Variants in GSG1L observed in about 807,000 individuals in gnomAD.
GSG1L encodes germ cell-specific gene 1-like protein.
GSG1L carries 24 observed loss-of-function variants against 42.1 expected under a neutral mutation model. The ratio of observed to expected loss-of-function variants is 0.57; its 90% CI spans 0.41 to 0.80. The LOEUF (loss-of-function observed/expected upper bound fraction) is 0.80. Among genes scored for constraint, GSG1L ranks in the 30% least tolerant of loss-of-function variants. The pLI, the probability that GSG1L is intolerant of heterozygous loss-of-function variation, is 0.00. For missense variants in GSG1L, 445 were observed against 472.2 expected, an observed-to-expected ratio of 0.94 and a Z score of 0.53; for synonymous variants, 215 against 203.5, an observed-to-expected ratio of 1.06 and a Z score of -0.48.
At chr16:27,856,156 C>G (rs1038893743) in intron 3 of GSG1L, among the ~76,000 whole-genome samples, 1 of 148,200 alleles carries the variant, frequency 6.7e-6, no homozygotes, top group African/African-American at 2.5e-5. Context: ...CAGGAATGTG[C>G]ACCCCCCCCC....
chr16:27,803,201 C>T (rs1171735777), intron 6 of GSG1L, among the ~76,000 whole-genome samples: 1 of 152,102 alleles, frequency 6.6e-6, no homozygotes, highest in African/African-American at 2.4e-5. Context: ...GCTGTCCCCC[C>T]AGCTCCACGG....
intron 6 of GSG1L, among the ~76,000 whole-genome samples, chr16:27,800,596 G>A (rs992625556): frequency 2.6e-5 from 4 of 152,110 alleles, no homozygotes; most frequent in African/African-American, 9.7e-5. Context: ...AGCCCCAAAG[G>A]CAGGTTTCAA....
intron 1 of GSG1L, among the ~76,000 whole-genome samples, chr16:28,012,200 C>A (rs1410278151): frequency 6.6e-6 from 1 of 152,138 alleles, no homozygotes; most frequent in Non-Finnish European, 1.5e-5. Flanking sequence ...CAGGCAGCCA[C>A]CCCTCCCCTA....
At chr16:27,894,305 C>T (rs918226257) in intron 2 of GSG1L, among the ~76,000 whole-genome samples, 4 of 152,126 alleles carry the variant, frequency 2.6e-5, no homozygotes, top group Non-Finnish European at 5.9e-5. Flanking sequence ...TTAGCTGTTA[C>T]CGTTGTTGTT....
intron 2 of GSG1L, among the ~76,000 whole-genome samples, chr16:27,920,360 G>A (rs2084510136): frequency 6.6e-6 from 1 of 152,204 alleles, no homozygotes; most frequent in South Asian, 2.1e-4. Flanking sequence ...CCGCACACCA[G>A]GCTGACTTAA....
chr16:27,901,107 G>A (rs536359269), intron 2 of GSG1L, among the ~76,000 whole-genome samples: 42 of 152,348 alleles, frequency 2.8e-4, no homozygotes, highest in African/African-American at 7.9e-4. Flanking sequence ...CAGTCTGGGT[G>A]ACAGAGCGAG....
chr16:27,985,976 G>A (rs558524858), intron 1 of GSG1L, among the ~76,000 whole-genome samples: 6 of 152,258 alleles, frequency 3.9e-5, no homozygotes, highest in East Asian at 1.9e-4. Context: ...GTCATGAGAA[G>A]GTTTCTCTGT....
chr16:27,993,717 G>A (rs2085479690), intron 1 of GSG1L, among the ~76,000 whole-genome samples: 1 of 152,164 alleles, frequency 6.6e-6, no homozygotes, highest in Non-Finnish European at 1.5e-5. Flanking sequence ...ACAGCTTGCA[G>A]GCACAGATAA....
intron 1 of GSG1L, among the ~76,000 whole-genome samples, chr16:28,051,892 T>C (rs1369136753): frequency 1.3e-5 from 2 of 152,104 alleles, no homozygotes; most frequent in African/African-American, 4.8e-5. Context: ...TGCAGTAGGA[T>C]TGCTCAGCAC....
At chr16:27,894,054 G>C (rs980109831) in intron 2 of GSG1L, among the ~76,000 whole-genome samples, 2 of 152,214 alleles carry the variant, frequency 1.3e-5, no homozygotes, top group Non-Finnish European at 2.9e-5. Flanking sequence ...ACCCTGGCCA[G>C]CAATTGTAAT....
At chr16:27,960,146 C>T (rs2085052240) in intron 2 of GSG1L, among the ~76,000 whole-genome samples, 1 of 151,982 alleles carries the variant, frequency 6.6e-6, no homozygotes, top group Non-Finnish European at 1.5e-5. Flanking sequence ...GAGCTGGAGG[C>T]AGGAAGGAAA....
chr16:27,965,763 C>A (rs1355636353), intron 1 of GSG1L, among the ~76,000 whole-genome samples: 1 of 152,260 alleles, frequency 6.6e-6, no homozygotes, highest in Non-Finnish European at 1.5e-5. Flanking sequence ...CCACCAGGAT[C>A]ACTGTAGTAG....
intron 5 of GSG1L, among the ~76,000 whole-genome samples, chr16:27,809,691 A>T (rs1428151409): frequency 6.6e-6 from 1 of 151,888 alleles, no homozygotes; most frequent in Non-Finnish European, 1.5e-5. Flanking sequence ...CTTGTCTTGC[A>T]GCTGTCCTAA....
intron 3 of GSG1L, among the ~76,000 whole-genome samples, chr16:27,849,837 T>A (rs765544311): frequency 1.1e-4 from 17 of 151,086 alleles, no homozygotes; most frequent in Non-Finnish European, 2.1e-4. Flanking sequence ...GGGGCAAGTT[T>A]TGAGGGTGGA....
intron 2 of GSG1L, among the ~76,000 whole-genome samples, chr16:27,895,425 C>T (rs1387180412): frequency 1.3e-5 from 2 of 152,130 alleles, no homozygotes; most frequent in Admixed American, 6.5e-5. Context: ...ACGACGAAAT[C>T]AGTCATTTCT....
intron 1 of GSG1L, among the ~76,000 whole-genome samples, chr16:28,017,654 A>G (rs967220320): frequency 2.6e-5 from 4 of 152,378 alleles, no homozygotes; most frequent in Admixed American, 2.6e-4. Flanking sequence ...TAACAGATGC[A>G]GTCCTGCACA....
chr16:27,793,207 A>G (rs2144387172), intron 6 of GSG1L, among the ~76,000 whole-genome samples: 2 of 152,322 alleles, frequency 1.3e-5, no homozygotes, highest in Middle Eastern at 3.4e-3. Flanking sequence ...GAGTCTTTCT[A>G]ATAACAAGGC....
intron 1 of GSG1L, among the ~76,000 whole-genome samples, chr16:27,997,187 C>T (rs1310109876): frequency 2.0e-5 from 3 of 152,082 alleles, no homozygotes; most frequent in Non-Finnish European, 4.4e-5. Context: ...CCTCTTCTAC[C>T]TTCTCCTGGA....
At position 27,855,883 on chromosome 16, in the gene GSG1L, C is replaced by T. The variant is rs542661101; in HGVS notation, c.551-10822G>A. On this transcript the variant is annotated intron_variant, in intron 3 of 6. Coordinates refer to ENST00000447459, the MANE Select transcript of GSG1L (RefSeq NM_001109763.2). ...GGGCCCCTGGAGCCAGAGCCTACAC[C>T]GGGTGCTCTGTTCTGGGGGTCAGGG... is the stretch of plus-strand genomic sequence containing the variant. Among the ~76,000 whole-genome samples the T allele has an allele frequency of 6.6e-5, 10 of 152,084 alleles. No homozygotes were observed. The South Asian group carries it at 1.7e-3, about 25-fold the overall frequency.
Sources: gnomAD v4.1 joint callset for allele counts (sites outside exome capture counted in the v4.1 genomes callset) on GRCh38, gnomAD v4.1.1 for gene constraint, MANE v1.5 for transcripts, NCBI Gene and HGNC (gene_info 2026-07-23, HGNC 2026-07-21) for gene names.